CHRDL2: variants seen among roughly 807,000 people sequenced by gnomAD.
CHRDL2 encodes the protein chordin-like protein 2.
Under a neutral mutation model 54.3 loss-of-function variants are expected in CHRDL2, and 41 were observed. The observed-to-expected ratio is 0.76, with a 90% confidence interval of 0.59 to 0.98. The LOEUF (loss-of-function observed/expected upper bound fraction) is 0.98, where lower values mean the gene tolerates loss of function less well. Among genes scored for constraint, CHRDL2 ranks in the 50% least tolerant of loss-of-function variants. The pLI is 0.00. For missense variants in CHRDL2, 518 were observed against 562.4 expected (o/e 0.92, Z 0.80); for synonymous variants, 220 against 224.3 (o/e 0.98, Z 0.17).
chr11:74,727,755 G>A (rs1344488821), intron 1 of CHRDL2, among the ~76,000 whole-genome samples: 2 of 151,964 alleles, frequency 1.3e-5, no homozygotes, highest in African/African-American at 4.8e-5. Flanking sequence ...TTGGATGGAG[G>A]GAGGGAAGAG....
intron 1 of CHRDL2, among the ~76,000 whole-genome samples, chr11:74,729,067 G>T (rs1230464697): frequency 2.0e-5 from 3 of 152,178 alleles, no homozygotes; most frequent in Non-Finnish European, 4.4e-5. Flanking sequence ...GCCATGAAAG[G>T]CTGACAAGAT....
At chr11:74,707,275 A>G (rs544112738) in intron 5 of CHRDL2, among the ~76,000 whole-genome samples, 1 of 152,346 alleles carries the variant, frequency 6.6e-6, no homozygotes, top group Non-Finnish European at 1.5e-5. Flanking sequence ...TAGCTGGAAG[A>G]ACCAGGACTA....
At chr11:74,716,049 A>T (rs986394341) in intron 2 of CHRDL2, among the ~76,000 whole-genome samples, 4 of 152,190 alleles carry the variant, frequency 2.6e-5, no homozygotes, top group South Asian at 4.1e-4. Flanking sequence ...GACTGTTAGA[A>T]ACAGCTGTCA....
Position 74,703,084 on chromosome 11 carries a change from TAAC to T in CHRDL2, c.947-120_947-118del. 3.6e-6 allele frequency: 4 copies of T among 1,124,484 alleles called. No individual in the cohort carries two copies. In the South Asian group the frequency reaches 6.2e-5, roughly 17 times the overall value. 69.7% of individuals were successfully genotyped at this position (1,124,484 alleles called of 1,614,324 possible). On this transcript the variant is annotated intron_variant, in intron 8 of 10. Transcript: ENST00000376332. ...ATCCGGAACATTACTGATTCTATGT[TAAC>T]AACCTCTGAATCTATTATCCTGACA...
chr11:74,723,774 A>T (rs1007185497), intron 1 of CHRDL2, among the ~76,000 whole-genome samples: 19 of 152,198 alleles, frequency 1.2e-4, no homozygotes, highest in Admixed American at 1.2e-3. Flanking sequence ...TGGGACAGAG[A>T]GGGATGGCAA....
At chr11:74,716,684 C>A (rs774918611) in intron 2 of CHRDL2, among the ~76,000 whole-genome samples, 1 of 149,538 alleles carries the variant, frequency 6.7e-6, no homozygotes, top group Non-Finnish European at 1.5e-5. Flanking sequence ...CTCTTTTTTT[C>A]CCTAAGTCAG....
At chr11:74,703,054 A>G in intron 8 of CHRDL2, 87 bp from the exon 9 acceptor site, 1 of 1,343,814 alleles carries the variant, frequency 7.4e-7, no homozygotes, top group Non-Finnish European at 1.0e-6. Context: ...TTGTGACTTC[A>G]TGGAATCCGG....
chr11:74,713,784 C>A (rs1358274277), intron 2 of CHRDL2, among the ~76,000 whole-genome samples: 6 of 152,172 alleles, frequency 3.9e-5, no homozygotes, highest in Non-Finnish European at 7.3e-5. Context: ...TGACATTGAT[C>A]TTGATGCTTT....
In CHRDL2 at chr11:74,704,607, G is replaced by A. The variant is rs1166246865; in HGVS notation, c.630C>T (p.Gly210=). The part of the protein sequence containing the change: ...PCSSDAGRKR[G]PGTPAPTGLS... Reference sequence around the variant, plus strand: ...GGCCAGTGGGGGCTGGGGTGCCCGGGCCTCTCTTTCTCCCAGCATCACTGG... The same window carrying A: ...GGCCAGTGGGGGCTGGGGTGCCCGGACCTCTCTTTCTCCCAGCATCACTGG... The change falls in exon 7 of 11, where the codon GGC becomes GGT. Residue 210 remains glycine (G), a synonymous_variant. Transcript: ENST00000376332. 4 of 1,603,646 alleles carry A rather than the reference G, an allele frequency of 2.5e-6. No individual in the cohort carries two copies. The highest frequency in any genetic ancestry group is 3.4e-6 in the Non-Finnish European group (4 of 1,175,332).
At chr11:74,706,112 TG>T (rs1291065524) in intron 6 of CHRDL2, among the ~76,000 whole-genome samples, 1 of 152,020 alleles carries the variant, frequency 6.6e-6, no homozygotes, top group African/African-American at 2.4e-5. Flanking sequence ...CCTCAGGAAC[TG>T]GGTGGGGAAG....
chr11:74,728,531 G>T (rs564179673), intron 1 of CHRDL2, among the ~76,000 whole-genome samples: 2 of 65,722 alleles, frequency 3.0e-5, no homozygotes, highest in African/African-American at 3.0e-4. Flanking sequence ...TCTGTTTTTT[G>T]TTGTTGTTGT....
intron 1 of CHRDL2, among the ~76,000 whole-genome samples, chr11:74,721,140 C>T (rs1371598493): frequency 1.3e-5 from 2 of 150,722 alleles, no homozygotes; most frequent in African/African-American, 4.8e-5. Context: ...TCAGCCTCTA[C>T]TGGCAGAGAG....
At chr11:74,730,188 T>C (rs762856575) in intron 1 of CHRDL2, among the ~76,000 whole-genome samples, 3 of 150,942 alleles carry the variant, frequency 2.0e-5, no homozygotes, top group Non-Finnish European at 4.4e-5. Flanking sequence ...CCTCCCAGAG[T>C]CTCACACTGC....
chr11:74,704,565 G>A lies in CHRDL2; in HGVS notation c.672C>T (p.Ser224=), dbSNP rs768565478. 3 of 1,586,892 alleles carry A rather than the reference G, an allele frequency of 1.9e-6. No individual in the cohort carries two copies. Among genetic ancestry groups the A allele is most frequent in the South Asian group, 2.3e-5 (2 of 86,188 alleles). ...TGGGTCTGAAGTGGCGAGGGATGAA[G>A]CTCAGAGGGGCGCTGAGGCCAGTGG... is the stretch of plus-strand genomic sequence containing the variant. The part of the protein sequence containing the change: ...PAPTGLSAPL[S]FIPRHFRPKG... Residue 224 remains serine, a synonymous_variant, in exon 7 of 11, where the codon AGC becomes AGT. Transcript: ENST00000376332.
rs2033896374 is a variant in CHRDL2, at chr11:74,703,375, C to T, written c.876G>A (p.Val292=). The T allele has an allele frequency of 1.9e-6, 3 of 1,613,718 alleles. No homozygotes were observed. The highest frequency in any genetic ancestry group is 2.5e-6 in the Non-Finnish European group (3 of 1,179,924). The change falls in exon 8 of 11, where the codon GTG becomes GTA. Residue 292 remains valine (V), a synonymous_variant. Transcript: ENST00000376332. ...GGCAGGGGTACTCGGTGGGACAGGT[C>T]ACACGCTGGCAGTCCTGGCGGCCAT... ...CEDGRQDCQR[V]TCPTEYPCRH... is the part of the protein sequence containing the mutation.
chr11:74,708,264 G>T, intron 5 of CHRDL2, 38 bp downstream of exon 5: 1 of 1,413,376 alleles, frequency 7.1e-7, no homozygotes, highest in South Asian at 1.3e-5. Flanking sequence ...TGGAGTGGAG[G>T]GGTGGGTGAG....
chr11:74,719,046 G>A, intron 1 of CHRDL2: 3 of 550,148 alleles, frequency 5.5e-6, no homozygotes, highest in South Asian at 4.8e-5. Flanking sequence ...TGCAACACTG[G>A]GCATGCCACT....
chr11:74,701,615 T>C (rs781016283), intron 9 of CHRDL2: 5 of 717,772 alleles, frequency 7.0e-6, no homozygotes, highest in Non-Finnish European at 1.3e-5. Context: ...TTGGGCCAGG[T>C]ACTTCACCTC....
At chr11:74,711,200 C>T (rs1219871515) in intron 3 of CHRDL2, among the ~76,000 whole-genome samples, 1 of 152,178 alleles carries the variant, frequency 6.6e-6, no homozygotes, top group African/African-American at 2.4e-5. Context: ...TCCCTCCCTC[C>T]CATGACCTCT....
Sources: allele counts gnomAD v4.1 joint callset (sites outside exome capture counted in the v4.1 genomes callset), GRCh38; gene constraint gnomAD v4.1.1; transcripts MANE v1.5; gene names NCBI Gene and HGNC (gene_info 2026-07-23, HGNC 2026-07-21).